Variants in GNAI2 observed in about 807,000 individuals in gnomAD.
GNAI2 encodes the protein guanine nucleotide-binding protein G(i) subunit alpha-2.
A neutral mutation model predicts 36.8 loss-of-function variants in GNAI2; 4 were observed. The ratio of observed to expected loss-of-function variants is 0.11; its 90% CI spans 0.05 to 0.25. GNAI2 has a LOEUF of 0.25. GNAI2 is among the 10% of genes least tolerant of loss of function. The probability of loss-of-function intolerance (pLI) is 1.00; values close to 1 mark genes in which losing one functional copy is unlikely to be tolerated. For synonymous variants in GNAI2, 194 were observed against 194.1 expected (o/e 1.00, Z 0.01); for missense variants, 230 against 481.3 (o/e 0.48, Z 4.89).
chr3:50,239,702 C>T (rs1553700797), intron 1 of GNAI2: 1 of 152,260 alleles, frequency 6.6e-6, no homozygotes, highest in Non-Finnish European at 1.5e-5. Flanking sequence ...TCTTCCCAGC[C>T]CCGCCACAGG....
At chr3:50,227,847 G>C (rs1258858877), upstream of GNAI2, among the ~76,000 whole-genome samples, 1 of 152,216 alleles carries the variant, frequency 6.6e-6, no homozygotes, top group South Asian at 2.1e-4. The surrounding 1 kb of genome is among the most constrained non-coding windows in gnomAD (Gnocchi z 5.9). Context: ...TTTTTACCTC[G>C]CAAAATGCCG....
chr3:50,247,062 G>C (rs1448630227), intron 1 of GNAI2: 3 of 850,412 alleles, frequency 3.5e-6, no homozygotes, highest in Non-Finnish European at 5.8e-6. Flanking sequence ...TCTGCAGGTT[G>C]CAGGAAATGA....
intron 1 of GNAI2, among the ~76,000 whole-genome samples, chr3:50,246,077 T>C (rs1700412783): frequency 6.6e-6 from 1 of 152,060 alleles, no homozygotes; most frequent in African/African-American, 2.4e-5. Flanking sequence ...GTGCTGAGCC[T>C]TCTCGGAGGG....
At chr3:50,243,357 C>T (rs1423397427) in intron 1 of GNAI2, among the ~76,000 whole-genome samples, 1 of 152,272 alleles carries the variant, frequency 6.6e-6, no homozygotes, top group African/African-American at 2.4e-5. Flanking sequence ...AGGCAGAGGG[C>T]TGCTCTTAGA....
At chr3:50,234,225 C>G (rs915868897), upstream of GNAI2, among the ~76,000 whole-genome samples, 1 of 151,598 alleles carries the variant, frequency 6.6e-6, no homozygotes, top group Non-Finnish European at 1.5e-5. Flanking sequence ...CGCCACCACG[C>G]CGGCTAATTT....
upstream of GNAI2, chr3:50,236,055 G>C: frequency 2.4e-6 from 1 of 412,128 alleles, no homozygotes; most frequent in Non-Finnish European, 3.4e-6. The surrounding 1 kb of genome is among the most constrained non-coding windows in gnomAD (Gnocchi z 4.0). Flanking sequence ...TTCCCCCTTC[G>C]CTCCGCCCTC....
At position 50,252,970 on chromosome 3, in the gene GNAI2, G is replaced by A; in HGVS notation, c.304-54G>A. ...CCATTCCAGAGGTCTCCCTGCCTCT[G>A]GCAGAGTGGGGGTACATTCCTTCAA... On this transcript the variant is annotated intron_variant, in intron 3 of 8. Coordinates refer to ENST00000313601, the MANE Select transcript of GNAI2 (RefSeq NM_002070.4). The surrounding 1 kb of genome is among the most constrained non-coding windows in gnomAD (Gnocchi z 4.1). 1 of 1,481,048 alleles carries A rather than the reference G, an allele frequency of 6.8e-7. No homozygotes were observed. 91.7% of individuals were successfully genotyped at this position (1,481,048 alleles called of 1,614,324 possible). A position where few individuals can be genotyped will look rare whatever the true frequency, so the allele number is the denominator to read the frequency against.
upstream of GNAI2, among the ~76,000 whole-genome samples, chr3:50,227,675 G>C (rs1435179832): frequency 2.0e-5 from 3 of 152,260 alleles, no homozygotes; most frequent in African/African-American, 7.2e-5. The surrounding 1 kb of genome is among the most constrained non-coding windows in gnomAD (Gnocchi z 5.9). Context: ...GGGCGTGGGT[G>C]AGAGAACCTG....
chr3:50,251,623 C>G, intron 1 of GNAI2: 1 of 1,295,002 alleles, frequency 7.7e-7, no homozygotes, highest in Non-Finnish European at 1.0e-6. Context: ...TGCTTAGGCC[C>G]CTGGTTGCTA....
At chr3:50,247,961 G>A (rs934861583) in intron 1 of GNAI2, among the ~76,000 whole-genome samples, 2 of 152,254 alleles carry the variant, frequency 1.3e-5, no homozygotes, top group Admixed American at 1.3e-4. Flanking sequence ...CAGGCTGGAC[G>A]CGGTGGCTCA....
chr3:50,243,643 ATCTTG>A (rs1375602879), intron 1 of GNAI2, among the ~76,000 whole-genome samples: 1 of 152,230 alleles, frequency 6.6e-6, no homozygotes, highest in African/African-American at 2.4e-5. Flanking sequence ...ATTCTTCATT[ATCTTG>A]TCATATTTAA....
chr3:50,232,185 C>T (rs1470655621), upstream of GNAI2, among the ~76,000 whole-genome samples: 1 of 152,124 alleles, frequency 6.6e-6, no homozygotes, highest in Non-Finnish European at 1.5e-5. Flanking sequence ...CAAAAATTAG[C>T]CGGGTGTGGT....
chr3:50,237,586 AGG>A (rs1559765191), intron 1 of GNAI2, among the ~76,000 whole-genome samples: 1 of 151,728 alleles, frequency 6.6e-6, no homozygotes, highest in Non-Finnish European at 1.5e-5. Flanking sequence ...GACCCTGTGA[AGG>A]GGGATGGTGG....
chr3:50,257,233 C>A, intron 7 of GNAI2, 143 bp downstream of exon 7: 1 of 708,580 alleles, frequency 1.4e-6, no homozygotes, highest in Non-Finnish European at 2.4e-6. Context: ...CTCACTTAGG[C>A]TTGTATAGTT....
At position 50,256,347 on chromosome 3, in the gene GNAI2, G is replaced by C. The variant is rs376981591; in HGVS notation, c.593+27G>C. 3 of 1,610,650 alleles carry C rather than the reference G, an allele frequency of 1.9e-6. No individual in the cohort carries two copies. The African/African-American group carries it at 4.0e-5, about 22-fold the overall frequency. The stretch of plus-strand genomic sequence containing the variant: ...TGAGCGAGCATGTGGACAGGTGGGA[G>C]GGGCAGGACCTGCCAGCCTCTGGGG... On this transcript the variant is annotated intron_variant, in intron 5 of 8. Coordinates refer to ENST00000313601, the MANE Select transcript of GNAI2 (RefSeq NM_002070.4).
chr3:50,254,327 G>A (rs1273983520), intron 4 of GNAI2, among the ~76,000 whole-genome samples: 1 of 152,118 alleles, frequency 6.6e-6, no homozygotes, highest in Non-Finnish European at 1.5e-5. Context: ...CTGTACTCTA[G>A]CCTTCCCCTA....
upstream of GNAI2, among the ~76,000 whole-genome samples, chr3:50,227,954 G>A (rs1419178569): frequency 6.6e-6 from 1 of 152,230 alleles, no homozygotes; most frequent in Non-Finnish European, 1.5e-5. The surrounding 1 kb of genome is among the most constrained non-coding windows in gnomAD (Gnocchi z 5.9). Context: ...AGGCGGGAAA[G>A]CAGATACGGG....
At position 50,256,187 on chromosome 3, in the gene GNAI2, C is replaced by T; in HGVS notation, c.465-5C>T. 6.4e-7 allele frequency: 1 copy of T among 1,565,278 alleles called. No homozygotes were observed. Among genetic ancestry groups the T allele is most frequent in the Non-Finnish European group, 8.8e-7 (1 of 1,139,064 alleles). On this transcript the variant is annotated splice_region_variant and splice_polypyrimidine_tract_variant and intron_variant, in intron 4 of 8. Transcript: ENST00000313601. ...CCCACTGACCCTCCCACCCCCCATC[C>T]CCAGCTACCTGAACGACCTGGAGCG...
At chr3:50,248,187 AG>A (rs1553701970) in intron 1 of GNAI2, among the ~76,000 whole-genome samples, 2 of 152,168 alleles carry the variant, frequency 1.3e-5, no homozygotes, top group Non-Finnish European at 2.9e-5. Context: ...CGGGAGGCAA[AG>A]GTTGCAGTGA....
Sources: gnomAD v4.1 joint callset for allele counts (sites outside exome capture counted in the v4.1 genomes callset) on GRCh38, gnomAD v4.1.1 for gene constraint, Gnocchi (gnomAD v3.1) non-coding constraint, MANE v1.5 for transcripts, NCBI Gene and HGNC (gene_info 2026-07-23, HGNC 2026-07-21) for gene names.